The following NHERF1 variants were observed in gnomAD, a reference collection of about 807,000 sequenced individuals.
The protein encoded by NHERF1 is NHERF family PDZ scaffold protein 1.
the NHERF1 span, among the ~76,000 whole-genome samples, chr17:74,757,017 C>T: frequency 6.6e-6 from 1 of 152,202 alleles, no homozygotes; most frequent in African/African-American, 2.4e-5. Flanking sequence ...AGGCATGGGG[C>T]GGCCAGCCCT....
chr17:74,764,936 G>A, the NHERF1 span, among the ~76,000 whole-genome samples: 1 of 152,224 alleles, frequency 6.6e-6, no homozygotes, highest in African/African-American at 2.4e-5. The surrounding 1 kb of genome is among the most constrained non-coding windows in gnomAD (Gnocchi z 4.9). Context: ...AAAGGGAGGA[G>A]AAGATGAGAG....
At chr17:74,768,764 A>G in the NHERF1 span, 1 of 893,938 alleles carries the variant, frequency 1.1e-6, no homozygotes, top group Non-Finnish European at 1.8e-6. Flanking sequence ...CAGCACCCAC[A>G]TCCCCTTTCT....
the NHERF1 span, among the ~76,000 whole-genome samples, chr17:74,767,181 G>A: frequency 5.5e-4 from 84 of 152,284 alleles, no homozygotes; most frequent in African/African-American, 1.8e-3. Flanking sequence ...AGGAGGGAGC[G>A]GGCTGGCTGG....
At chr17:74,752,821 T>A in the NHERF1 span, among the ~76,000 whole-genome samples, 1 of 152,230 alleles carries the variant, frequency 6.6e-6, no homozygotes, top group Non-Finnish European at 1.5e-5. Context: ...GTTTGTGACC[T>A]TTTTCTCCAC....
chr17:74,763,825 C>T, the NHERF1 span, among the ~76,000 whole-genome samples: 1 of 152,220 alleles, frequency 6.6e-6, no homozygotes, highest in Non-Finnish European at 1.5e-5. Flanking sequence ...GGCCCAAGCC[C>T]CCAGTCCTGT....
chr17:74,752,578 C>T, the NHERF1 span, among the ~76,000 whole-genome samples: 4 of 152,200 alleles, frequency 2.6e-5, no homozygotes, highest in East Asian at 5.8e-4. Flanking sequence ...GCTGCAGCCT[C>T]GACCTCCAGG....
the NHERF1 span, among the ~76,000 whole-genome samples, chr17:74,752,051 G>A: frequency 6.6e-6 from 1 of 152,214 alleles, no homozygotes; most frequent in Non-Finnish European, 1.5e-5. Flanking sequence ...GGCAGCTAGC[G>A]CTGGGTCAGC....
the NHERF1 span, chr17:74,768,024 T>A: frequency 2.5e-6 from 2 of 791,704 alleles, no homozygotes; most frequent in Non-Finnish European, 4.6e-6. Flanking sequence ...CAGGGGTGGG[T>A]GGCCAGGGCA....
the NHERF1 span, chr17:74,761,889 A>C: frequency 2.1e-6 from 2 of 955,242 alleles, no homozygotes; most frequent in Non-Finnish European, 3.3e-6. The surrounding 1 kb of genome is among the most constrained non-coding windows in gnomAD (Gnocchi z 4.3). Flanking sequence ...CTGTGTAGGG[A>C]TCTAGGCAAA....
the NHERF1 span, among the ~76,000 whole-genome samples, chr17:74,751,483 C>T: frequency 1.3e-5 from 2 of 152,210 alleles, no homozygotes; most frequent in African/African-American, 2.4e-5. This position sits in a 1 kb window ranked among gnomAD's most constrained non-coding sequence, Gnocchi z 4.3. Flanking sequence ...AAAAGTGTGG[C>T]GCAGAGAGTG....
chr17:74,758,663 C>T, the NHERF1 span, among the ~76,000 whole-genome samples: 2 of 152,224 alleles, frequency 1.3e-5, no homozygotes, highest in African/African-American at 4.8e-5. The surrounding 1 kb of genome is among the most constrained non-coding windows in gnomAD (Gnocchi z 4.3). Flanking sequence ...CTTCGGACCC[C>T]TCTGTAGCTG....
chr17:74,766,257 C>T, the NHERF1 span, among the ~76,000 whole-genome samples: 4 of 151,994 alleles, frequency 2.6e-5, no homozygotes, highest in South Asian at 4.2e-4. Context: ...AGTGTAGTGG[C>T]GTGATCTCGG....
chr17:74,752,739 C>T, the NHERF1 span, among the ~76,000 whole-genome samples: 1 of 152,168 alleles, frequency 6.6e-6, no homozygotes, highest in Non-Finnish European at 1.5e-5. Context: ...GGTGATCTGC[C>T]AGCCTCGGCC....
At chr17:74,761,795 T>C in the NHERF1 span, among the ~76,000 whole-genome samples, 2 of 152,254 alleles carry the variant, frequency 1.3e-5, no homozygotes, top group South Asian at 4.1e-4. This position sits in a 1 kb window ranked among gnomAD's most constrained non-coding sequence, Gnocchi z 4.3. Flanking sequence ...AGCAGTGTTT[T>C]ATCCACATCA....
chr17:74,767,247 A>G, the NHERF1 span, among the ~76,000 whole-genome samples: 1 of 152,106 alleles, frequency 6.6e-6, no homozygotes, highest in African/African-American at 2.4e-5. Context: ...ACTCCCCACC[A>G]TACAGAAGGG....
At chr17:74,757,043 G>A in the NHERF1 span, among the ~76,000 whole-genome samples, 3 of 152,140 alleles carry the variant, frequency 2.0e-5, no homozygotes, top group Non-Finnish European at 4.4e-5. Flanking sequence ...GTGTCCAGCC[G>A]GGCTGCAGCC....
At chr17:74,756,061 C>T in the NHERF1 span, among the ~76,000 whole-genome samples, 1 of 148,980 alleles carries the variant, frequency 6.7e-6, no homozygotes, top group African/African-American at 2.5e-5. Context: ...TCAAGCGATT[C>T]TCCTGCCTCA....
At chr17:74,757,816 G>A in the NHERF1 span, among the ~76,000 whole-genome samples, 1 of 152,194 alleles carries the variant, frequency 6.6e-6, no homozygotes, top group African/African-American at 2.4e-5. Flanking sequence ...CCTCTTGTTG[G>A]GGCTGATTTT....
chr17:74,768,645 A>G, the NHERF1 span: 1 of 1,613,934 alleles, frequency 6.2e-7, no homozygotes, highest in Non-Finnish European at 8.5e-7. Context: ...CGAACTCTTC[A>G]GCAACCTCTG....
Sources: allele counts gnomAD v4.1 joint callset (sites outside exome capture counted in the v4.1 genomes callset), GRCh38; gene constraint gnomAD v4.1.1; non-coding constraint Gnocchi (gnomAD v3.1); transcripts MANE v1.5; gene names NCBI Gene and HGNC (gene_info 2026-07-23, HGNC 2026-07-21).